Variants in PROZ observed in about 807,000 individuals in gnomAD.
PROZ encodes protein Z, vitamin K dependent plasma glycoprotein.
Under a neutral mutation model 34.9 loss-of-function variants are expected in PROZ, and 46 were observed. The ratio of observed to expected loss-of-function variants is 1.32; its 90% CI spans 1.04 to 1.69. The LOEUF (loss-of-function observed/expected upper bound fraction) is 1.69. Ranked by LOEUF, PROZ falls within the 40% of genes most tolerant of loss-of-function variation. The pLI is 0.00. For synonymous variants in PROZ, 195 were observed against 208.5 expected (o/e 0.94, Z 0.56); for missense variants, 530 against 520.4 (o/e 1.02, Z -0.18).
intron 3 of PROZ, 39 bp downstream of exon 3, chr13:113,161,011 C>A (rs766438099): frequency 6.3e-7 from 1 of 1,583,626 alleles, no homozygotes; most frequent in Admixed American, 1.7e-5. Flanking sequence ...GTATTAATTC[C>A]TCGGGATGAG....
At position 113,171,463 on chromosome 13, in the gene PROZ, G is replaced by A. The variant is rs778261082; in HGVS notation, c.692-131G>A. The A allele has an allele frequency of 3.3e-5, 36 of 1,098,082 alleles. No individual in the cohort carries two copies. The highest frequency in any genetic ancestry group is 4.5e-5 in the Non-Finnish European group (34 of 751,534). The allele number at this position is 1,098,082 out of a possible 1,614,324, so 68.0% of individuals were successfully genotyped here. On this transcript the variant is annotated intron_variant, in intron 7 of 7. Transcript: ENST00000375547. This position sits in a 1 kb window ranked among gnomAD's most constrained non-coding sequence, Gnocchi z 5.1. ...CAGAAAGGCACAGTGTCCACACCAC[G>A]GGGCGGTGAGCCTGCGGGTCCTCCA...
intron 3 of PROZ, among the ~76,000 whole-genome samples, chr13:113,161,265 AGCTCCTCCAGCCGCCTG>A (rs1365885686): frequency 6.6e-6 from 1 of 152,228 alleles, no homozygotes; most frequent in Non-Finnish European, 1.5e-5. Context: ...CCCCCAGAGC[AGCTCCTCCAGCCGCCTG>A]GCTCCTGGGC....
At chr13:113,169,228 T>A (rs1169106919) in intron 6 of PROZ, among the ~76,000 whole-genome samples, 1 of 152,274 alleles carries the variant, frequency 6.6e-6, no homozygotes, top group East Asian at 1.9e-4. Context: ...TCTTCTGCAA[T>A]GTCTAATCTG....
intron 6 of PROZ, among the ~76,000 whole-genome samples, chr13:113,166,633 G>A (rs1180132353): frequency 3.9e-5 from 6 of 152,202 alleles, no homozygotes; most frequent in African/African-American, 9.6e-5. Context: ...GATGGAAGGC[G>A]GGGATGGAAG....
intron 6 of PROZ, among the ~76,000 whole-genome samples, chr13:113,167,736 T>A (rs2036981904): frequency 6.6e-6 from 1 of 152,242 alleles, no homozygotes; most frequent in Non-Finnish European, 1.5e-5. Flanking sequence ...TTATCCAGTG[T>A]GAAAAACCTC....
chr13:113,159,248 A>G lies in PROZ; in HGVS notation c.70+518A>G, dbSNP rs972148562. 6 of 1,548,738 alleles carry G rather than the reference A, an allele frequency of 3.9e-6. No homozygotes were observed. Among genetic ancestry groups the G allele is most frequent in the East Asian group, 4.9e-5 (2 of 40,908 alleles). On this transcript the variant is annotated intron_variant, in intron 1 of 7. Coordinates refer to ENST00000375547, the MANE Select transcript of PROZ (RefSeq NM_003891.3). This position sits in a 1 kb window ranked among gnomAD's most constrained non-coding sequence, Gnocchi z 4.6. The stretch of plus-strand genomic sequence containing the variant: ...GACTCCATTCTGACTCTGCCTGCAC[A>G]GGCGTCCAGGAAAGCTGCAAGTCAA...
intron 3 of PROZ, among the ~76,000 whole-genome samples, chr13:113,161,331 T>A (rs978379081): frequency 9.9e-5 from 15 of 152,040 alleles, no homozygotes; most frequent in Admixed American, 7.2e-4. Flanking sequence ...TCAGAACTCG[T>A]CTCAAATTTT....
intron 4 of PROZ, among the ~76,000 whole-genome samples, chr13:113,163,961 G>A (rs967167604): frequency 1.8e-5 from 1 of 54,996 alleles, no homozygotes; most frequent in African/African-American, 4.6e-5. Flanking sequence ...CATCACTCAT[G>A]GAGTCTTTTT....
chr13:113,160,268 T>A, intron 2 of PROZ, 91 bp downstream of exon 2: 1 of 1,454,026 alleles, frequency 6.9e-7, no homozygotes, highest in South Asian at 1.2e-5. Context: ...TAAGCTTAAT[T>A]AATTAGCCTA....
chr13:113,160,946 A>C lies in PROZ; in HGVS notation c.235-2A>C, dbSNP rs761684192. 1 of 1,602,782 alleles carries C rather than the reference A, an allele frequency of 6.2e-7. No homozygotes were observed. Reference sequence around the variant, plus strand: ...TAACATTTTTATGTTTTAACTCTAAAGGATGAATTCTGGAGACGATATAAG... The same window carrying C: ...TAACATTTTTATGTTTTAACTCTAACGGATGAATTCTGGAGACGATATAAG... On this transcript the variant is annotated splice_acceptor_variant, in intron 2 of 7. Coordinates refer to ENST00000375547, the MANE Select transcript of PROZ (RefSeq NM_003891.3). LOFTEE classifies it high-confidence loss of function.
chr13:113,170,729 G>A (rs1454542431), intron 7 of PROZ, among the ~76,000 whole-genome samples, 199 bp downstream of exon 7: 1 of 152,076 alleles, frequency 6.6e-6, no homozygotes, highest in Non-Finnish European at 1.5e-5. Context: ...CGACAGGCAA[G>A]TGCTAACTCA....
chr13:113,171,957 T>G lies in PROZ; in HGVS notation c.1055T>G (p.Met352Arg). The G allele has an allele frequency of 6.2e-7, 1 of 1,613,516 alleles. No homozygotes were observed. The highest frequency in any genetic ancestry group is 8.5e-7 in the Non-Finnish European group (1 of 1,180,012). The change falls in exon 8 of 8, where the codon ATG (methionine) becomes AGG (arginine). Residue 352 changes from methionine to arginine, a missense_variant. Transcript: ENST00000375547. This position sits in a 1 kb window ranked among gnomAD's most constrained non-coding sequence, Gnocchi z 5.1. ...ERSSVAAMHW[M>R]DGSVVTREHR... is the part of the protein sequence containing the mutation. ...AGCAGCGTGGCGGCCATGCACTGGA[T>G]GGATGGAAGTGTGGTCACCAGAGAA...
rs761668245 is a variant in PROZ, at chr13:113,159,598, T to C, written c.71-416T>C. ...CTGCAATGTATAAGTTTCTTCTTTA[T>C]GTGTTTTATCAAGATGTTAAATGCT... On this transcript the variant is annotated intron_variant, in intron 1 of 7. Transcript: ENST00000375547. This position sits in a 1 kb window ranked among gnomAD's most constrained non-coding sequence, Gnocchi z 4.6. Among the ~76,000 whole-genome samples the C allele has an allele frequency of 1.3e-5, 2 of 152,242 alleles. No homozygotes were observed. The highest frequency in any genetic ancestry group is 2.9e-5 in the Non-Finnish European group (2 of 68,040).
intron 3 of PROZ, among the ~76,000 whole-genome samples, chr13:113,161,458 G>A (rs2036757981): frequency 6.6e-6 from 1 of 152,160 alleles, no homozygotes; most frequent in Non-Finnish European, 1.5e-5. Context: ...AGACCCACGG[G>A]GCTGGGGGAG....
Position 113,158,819 on chromosome 13 carries a change from G to T in PROZ, c.70+89G>T. The T allele has an allele frequency of 7.8e-7, 1 of 1,285,040 alleles. No individual in the cohort carries two copies. The allele number at this position is 1,285,040 out of a possible 1,614,324, so 79.6% of individuals were successfully genotyped here. On this transcript the variant is annotated intron_variant, in intron 1 of 7. Transcript: ENST00000375547. The surrounding 1 kb of genome is among the most constrained non-coding windows in gnomAD (Gnocchi z 4.3). ...GGATTTGTAGATGAGGCTTTTTCCA[G>T]GAGCCAGAGGAGCCCTGAGTGCCCA... is the stretch of plus-strand genomic sequence containing the variant.
chr13:113,164,448 G>A lies in PROZ; in HGVS notation c.374-65G>A, dbSNP rs2036858996. ...AACATGGACCAACACACAGAACTGT[G>A]TGCAAGGCTGTGATAAAATGACTAT... On this transcript the variant is annotated intron_variant, in intron 4 of 7. Coordinates refer to ENST00000375547, the MANE Select transcript of PROZ (RefSeq NM_003891.3). The A allele has an allele frequency of 8.3e-6, 13 of 1,568,580 alleles. No individual in the cohort carries two copies. In the South Asian group the frequency reaches 1.5e-4, roughly 18 times the overall value.
Position 113,164,538 on chromosome 13 carries a change from G to T in PROZ, c.399G>T (p.Arg133=), listed in dbSNP as rs1394157190. 1.9e-6 allele frequency: 3 copies of T among 1,613,808 alleles called. No homozygotes were observed. ...CTAAAAATGAATGTCACCCAGAGCG[G>T]ACTGATGGGTGTCAACACTTCTGCC... ...ELAKNECHPE[R]TDGCQHFCLP... Residue 133 remains arginine, a synonymous_variant, in exon 5 of 8, where the codon CGG becomes CGT. Coordinates refer to ENST00000375547, the MANE Select transcript of PROZ (RefSeq NM_003891.3).
intron 2 of PROZ, among the ~76,000 whole-genome samples, chr13:113,160,582 G>A (rs193003233): frequency 7.2e-5 from 11 of 152,290 alleles, no homozygotes; most frequent in African/African-American, 1.4e-4. Context: ...TATAAAAAGC[G>A]AAAAGGTGAT....
chr13:113,167,732 A>C (rs1399435752), intron 6 of PROZ, among the ~76,000 whole-genome samples: 3 of 152,208 alleles, frequency 2.0e-5, no homozygotes, highest in African/African-American at 4.8e-5. Context: ...ATTTTTATCC[A>C]GTGTGAAAAA....
Sources: gnomAD v4.1 joint callset for allele counts (sites outside exome capture counted in the v4.1 genomes callset) on GRCh38, gnomAD v4.1.1 for gene constraint, Gnocchi (gnomAD v3.1) non-coding constraint, MANE v1.5 for transcripts, NCBI Gene and HGNC (gene_info 2026-07-23, HGNC 2026-07-21) for gene names.